DPYSL3: variants seen among roughly 807,000 people sequenced by gnomAD.
The protein encoded by DPYSL3 is dihydropyrimidinase-related protein 3.
DPYSL3 carries 16 observed loss-of-function variants against 66.1 expected under a neutral mutation model. The observed-to-expected ratio is 0.24, with a 90% CI of 0.16 to 0.37. The LOEUF (loss-of-function observed/expected upper bound fraction) is 0.37. Ranked by LOEUF, DPYSL3 falls within the 10% of genes least tolerant of loss-of-function variation. The pLI is 1.00. For synonymous variants in DPYSL3, 338 were observed against 345.1 expected (o/e 0.98, Z 0.23); for missense variants, 738 against 916.2 (o/e 0.81, Z 2.51).
intron 1 of DPYSL3, among the ~76,000 whole-genome samples, chr5:147,445,268 C>T (rs1234077944): frequency 6.6e-6 from 1 of 152,190 alleles, no homozygotes; most frequent in Non-Finnish European, 1.5e-5. Context: ...GACTTTCTGG[C>T]ACATGTGCCC....
At chr5:147,450,987 A>G (rs1462661293) in intron 1 of DPYSL3, among the ~76,000 whole-genome samples, 2 of 152,242 alleles carry the variant, frequency 1.3e-5, no homozygotes, top group Admixed American at 6.5e-5. Context: ...TTTGCTGCAC[A>G]TGAATATCTA....
chr5:147,428,574 T>C (rs544765283), intron 1 of DPYSL3, among the ~76,000 whole-genome samples: 22 of 152,132 alleles, frequency 1.4e-4, no homozygotes, highest in Non-Finnish European at 2.4e-4. Flanking sequence ...TGTCTATGAA[T>C]TCATGGATGA....
At chr5:147,413,035 T>C (rs1332145448) in intron 5 of DPYSL3, among the ~76,000 whole-genome samples, 7 of 152,180 alleles carry the variant, frequency 4.6e-5, no homozygotes, top group Non-Finnish European at 1.5e-5. Flanking sequence ...ACAAATGCTC[T>C]AGAAAACCAC....
At position 147,438,477 on chromosome 5, in the gene DPYSL3, A is replaced by T. The variant is rs560269553; in HGVS notation, c.382-13514T>A. ...GCCTTCAATAAAGATCTAAGGCTTT[A>T]CTCATACTAGGCACCTCCTGGAATG... On this transcript the variant is annotated intron_variant, in intron 1 of 13. Transcript: ENST00000343218. Among the ~76,000 whole-genome samples, 4 of 152,344 alleles carry T rather than the reference A, an allele frequency of 2.6e-5. No homozygotes were observed. In the South Asian group the frequency reaches 8.3e-4, roughly 32 times the overall value.
intron 11 of DPYSL3, among the ~76,000 whole-genome samples, chr5:147,398,656 C>T (rs77483328): frequency 6.6e-6 from 1 of 152,186 alleles, no homozygotes; most frequent in East Asian, 1.9e-4. Flanking sequence ...CCTATTCTTT[C>T]CCTTTCCAGG....
At chr5:147,431,832 A>G (rs1752322109) in intron 1 of DPYSL3, among the ~76,000 whole-genome samples, 1 of 151,888 alleles carries the variant, frequency 6.6e-6, no homozygotes, top group African/African-American at 2.4e-5. Flanking sequence ...AGCCCTTGTG[A>G]GGAGATAACA....
chr5:147,469,418 G>T (rs1375997211), intron 1 of DPYSL3, among the ~76,000 whole-genome samples: 2 of 152,158 alleles, frequency 1.3e-5, no homozygotes, highest in African/African-American at 2.4e-5. Flanking sequence ...CCCCACACAA[G>T]TTCTTTTAAA....
At chr5:147,402,341 CT>C (rs11438535) in intron 8 of DPYSL3, among the ~76,000 whole-genome samples, 40 of 134,994 alleles carry the variant, frequency 3.0e-4, no homozygotes, top group Middle Eastern at 3.7e-3. Flanking sequence ...ACTCTCATGA[CT>C]TTTTTTTTTT....
At position 147,393,955 on chromosome 5, in the gene DPYSL3, C is replaced by A. The variant is rs1757891752; in HGVS notation, c.*80G>T. The A allele has an allele frequency of 1.4e-6, 2 of 1,427,456 alleles. No individual in the cohort carries two copies. The highest frequency in any genetic ancestry group is 2.0e-6 in the Non-Finnish European group (2 of 1,017,048). The allele number at this position is 1,427,456 out of a possible 1,614,324, so 88.4% of individuals were successfully genotyped here. A position where few individuals can be genotyped will look rare whatever the true frequency, so the allele number is the denominator to read the frequency against. ...GATCACAACCGTTTGGATTCGCTTT[C>A]CTTCTTAAATATCGGTGTACCATTT... On this transcript the variant is annotated 3_prime_UTR_variant, in exon 14 of 14. Coordinates refer to ENST00000343218, the MANE Select transcript of DPYSL3 (RefSeq NM_001197294.2).
chr5:147,437,134 G>A (rs1488369608), intron 1 of DPYSL3, among the ~76,000 whole-genome samples: 2 of 152,194 alleles, frequency 1.3e-5, no homozygotes, highest in African/African-American at 2.4e-5. Flanking sequence ...CTTTCCAAGA[G>A]GCTGTGCCGT....
At position 147,509,782 on chromosome 5, in the gene DPYSL3, G is replaced by A. The variant is rs1167393620; in HGVS notation, c.77C>T (p.Thr26Met). 2 of 1,535,988 alleles carry A rather than the reference G, an allele frequency of 1.3e-6. No individual in the cohort carries two copies. Among genetic ancestry groups the A allele is most frequent in the Non-Finnish European group, 1.7e-6 (2 of 1,146,798 alleles). Residue 26 changes from threonine (T) to methionine (M), a missense_variant, in exon 1 of 14, where the codon ACG becomes ATG. By Grantham distance (81) the Thr-to-Met change is moderately conservative. Transcript: ENST00000343218. This position sits in a 1 kb window ranked among gnomAD's most constrained non-coding sequence, Gnocchi z 5.3. ...GTATTTCTGCCGCGGGACCTGGTCCGTGGTGCCCGGCCTGGCCAGGTACAC... is the reference window on the plus strand; with the variant it reads ...GTATTTCTGCCGCGGGACCTGGTCCATGGTGCCCGGCCTGGCCAGGTACAC... ...LPVYLARPGT[T>M]DQVPRQKYGG...
At chr5:147,404,511 C>T (rs561486452) in intron 8 of DPYSL3, among the ~76,000 whole-genome samples, 2 of 152,302 alleles carry the variant, frequency 1.3e-5, no homozygotes, top group East Asian at 3.9e-4. Context: ...ACCAGAATGG[C>T]CACTGGCACG....
intron 1 of DPYSL3, among the ~76,000 whole-genome samples, chr5:147,498,811 C>T (rs1254504086): frequency 6.6e-6 from 1 of 151,892 alleles, no homozygotes; most frequent in Non-Finnish European, 1.5e-5. Flanking sequence ...TTTTCTTGTA[C>T]ATTTGTTTAA....
At chr5:147,474,221 C>T (rs912917517) in intron 1 of DPYSL3, among the ~76,000 whole-genome samples, 1 of 152,048 alleles carries the variant, frequency 6.6e-6, no homozygotes, top group Non-Finnish European at 1.5e-5. Flanking sequence ...CAGTAAATGT[C>T]ATCTGCTTCC....
rs1265961664 is a variant in DPYSL3, at chr5:147,496,193, C to T, written c.381+13285G>A. On this transcript the variant is annotated intron_variant, in intron 1 of 13. Transcript: ENST00000343218. ...AATGGTGCTGGGAAAACTGGCTAGC[C>T]ATATGTAGAAAGCTGAAACTGGATC... Among the ~76,000 whole-genome samples the T allele has an allele frequency of 9.2e-5, 14 of 152,188 alleles. No homozygotes were observed. In the East Asian group the frequency reaches 1.4e-3, roughly 15 times the overall value.
intron 1 of DPYSL3, among the ~76,000 whole-genome samples, chr5:147,498,892 G>C (rs1581219781): frequency 6.6e-6 from 1 of 152,042 alleles, no homozygotes; most frequent in East Asian, 1.9e-4. Context: ...TCTGATAATA[G>C]TTTCTTTTGC....
intron 6 of DPYSL3, 100 bp from the exon 7 acceptor site, chr5:147,408,896 C>T (rs536488151): frequency 2.6e-5 from 31 of 1,171,264 alleles, no homozygotes; most frequent in Middle Eastern, 1.9e-4. Context: ...AATAAATATG[C>T]GTATGTTGAA....
At chr5:147,412,810 C>T (rs1751881676) in intron 5 of DPYSL3, 122 bp from the exon 6 acceptor site, 6 of 817,626 alleles carry the variant, frequency 7.3e-6, no homozygotes, top group East Asian at 2.7e-5. Context: ...GTCACTAGGG[C>T]AGAAATATAT....
Position 147,393,798 on chromosome 5 carries a change from C to A in DPYSL3, c.*237G>T. On this transcript the variant is annotated 3_prime_UTR_variant, in exon 14 of 14. Coordinates refer to ENST00000343218, the MANE Select transcript of DPYSL3 (RefSeq NM_001197294.2). ...CCTTAGTGGCCTGTCTGATTGCATG[C>A]ATGTAAATGGGGGGAGGGGAGTCAA... The A allele has an allele frequency of 1.9e-6, 1 of 536,372 alleles. No homozygotes were observed. Among genetic ancestry groups the A allele is most frequent in the Non-Finnish European group, 3.4e-6 (1 of 298,368 alleles). The allele number at this position is 536,372 out of a possible 1,614,324, so 33.2% of individuals were successfully genotyped here.
Sources: allele counts gnomAD v4.1 joint callset (sites outside exome capture counted in the v4.1 genomes callset), GRCh38; gene constraint gnomAD v4.1.1; non-coding constraint Gnocchi (gnomAD v3.1); transcripts MANE v1.5; gene names NCBI Gene and HGNC (gene_info 2026-07-23, HGNC 2026-07-21).